ESRRG: variants seen among roughly 807,000 people sequenced by gnomAD.
ESRRG encodes the protein estrogen-related receptor gamma.
In ESRRG, 13 loss-of-function variants were observed where a neutral mutation model predicts 44.0. That is an observed-to-expected ratio of 0.30 (90% confidence interval 0.19 to 0.47). The LOEUF is 0.47. Ranked by LOEUF, ESRRG falls within the 20% of genes least tolerant of loss-of-function variation. The probability of loss-of-function intolerance (pLI) is 1.00; values close to 1 mark genes in which losing one functional copy is unlikely to be tolerated. For synonymous variants in ESRRG, 215 were observed against 214.6 expected, an observed-to-expected ratio of 1.00 and a Z score of -0.02; for missense variants, 395 against 580.6, an observed-to-expected ratio of 0.68 and a Z score of 3.29.
chr1:216,777,488 CT>C (rs1559594643), intron 2 of ESRRG, among the ~76,000 whole-genome samples: 1 of 152,044 alleles, frequency 6.6e-6, no homozygotes, highest in Admixed American at 6.6e-5. Context: ...AGAGGTTTTT[CT>C]TTGTAATCTG....
intron 1 of ESRRG, among the ~76,000 whole-genome samples, chr1:217,074,201 C>T (rs927720276): frequency 6.6e-6 from 1 of 151,958 alleles, no homozygotes. Flanking sequence ...GTGCCCACCA[C>T]CGTGCCTGGC....
intron 1 of ESRRG, among the ~76,000 whole-genome samples, chr1:216,987,151 G>A (rs1213323483): frequency 2.0e-5 from 3 of 152,166 alleles, no homozygotes; most frequent in African/African-American, 7.2e-5. Flanking sequence ...TGTGATATTT[G>A]TAAGCTTTGT....
At chr1:217,074,954 C>T (rs2091088524) in intron 1 of ESRRG, among the ~76,000 whole-genome samples, 1 of 152,104 alleles carries the variant, frequency 6.6e-6, no homozygotes, top group Non-Finnish European at 1.5e-5. Context: ...TATTTTTCCT[C>T]AATCAAAAAT....
intron 1 of ESRRG, among the ~76,000 whole-genome samples, chr1:216,948,312 T>C (rs1203097628): frequency 6.6e-6 from 1 of 151,520 alleles, no homozygotes; most frequent in Non-Finnish European, 1.5e-5. Context: ...ATCTCAGCAC[T>C]TTGCGAGGCA....
intron 1 of ESRRG, among the ~76,000 whole-genome samples, chr1:217,035,823 T>A (rs2082784479): frequency 6.6e-6 from 1 of 152,060 alleles, no homozygotes; most frequent in African/African-American, 2.4e-5. Context: ...TCCCCATTAA[T>A]AAGAGTATGG....
chr1:216,742,393 C>A (rs1165321568), intron 2 of ESRRG, among the ~76,000 whole-genome samples: 2 of 151,942 alleles, frequency 1.3e-5, no homozygotes, highest in Non-Finnish European at 2.9e-5. Flanking sequence ...AAGTGAGCAA[C>A]CTTTAAGATA....
intron 5 of ESRRG, among the ~76,000 whole-genome samples, chr1:216,537,028 G>A (rs1185999977): frequency 1.3e-5 from 2 of 152,164 alleles, no homozygotes; most frequent in South Asian, 2.1e-4. Flanking sequence ...GAGATCTGAA[G>A]GAGGTGAGAG....
At chr1:216,541,143 G>T (rs1345324183) in intron 5 of ESRRG, among the ~76,000 whole-genome samples, 2 of 151,946 alleles carry the variant, frequency 1.3e-5, no homozygotes, top group Admixed American at 6.6e-5. Context: ...TAGAACAAAT[G>T]TACAGCAAAG....
At chr1:216,642,423 T>G (rs1390793495) in intron 3 of ESRRG, among the ~76,000 whole-genome samples, 2 of 152,074 alleles carry the variant, frequency 1.3e-5, no homozygotes, top group African/African-American at 2.4e-5. Context: ...AATCACCATC[T>G]AGTAATGCAG....
intron 1 of ESRRG, among the ~76,000 whole-genome samples, chr1:216,960,580 G>GTGTTTGTTTGTTTGTT (rs111805075): frequency 1.3e-3 from 203 of 150,456 alleles, no homozygotes; most frequent in African/African-American, 4.6e-3. Flanking sequence ...ACTCCTCCAT[G>GTGTTTGTTTGTTTGTT]TGTTTGTTTG....
chr1:216,799,815 G>A (rs560539190), intron 2 of ESRRG, among the ~76,000 whole-genome samples: 5 of 152,064 alleles, frequency 3.3e-5, no homozygotes, highest in Admixed American at 6.6e-5. Flanking sequence ...AACATTCCAG[G>A]CACTTCCACG....
chr1:217,134,999 C>T (rs779594671), intron 1 of ESRRG, among the ~76,000 whole-genome samples: 2 of 152,224 alleles, frequency 1.3e-5, no homozygotes, highest in Non-Finnish European at 2.9e-5. Flanking sequence ...TAGTCCCAGC[C>T]TCTCCTTCCT....
At position 216,506,707 on chromosome 1, in the gene ESRRG, A is replaced by G. The variant is rs781500087; in HGVS notation, c.*232T>C. ...GAAGAAAAGGAGAAAAAATAAAGAGAAAGAGAAATGTGGGAAGAAAGAGGA... is the reference window on the plus strand; with the variant it reads ...GAAGAAAAGGAGAAAAAATAAAGAGGAAGAGAAATGTGGGAAGAAAGAGGA... On this transcript the variant is annotated 3_prime_UTR_variant, in exon 7 of 7. Coordinates refer to ENST00000408911, the MANE Select transcript of ESRRG (RefSeq NM_001438.4). 1.4e-5 allele frequency: 9 copies of G among 622,184 alleles called. No homozygotes were observed. Among genetic ancestry groups the G allele is most frequent in the Non-Finnish European group, 2.3e-5 (8 of 346,396 alleles). The allele number at this position is 622,184 out of a possible 1,614,324, so 38.5% of individuals were successfully genotyped here. A position where few individuals can be genotyped will look rare whatever the true frequency, so the allele number is the denominator to read the frequency against.
intron 1 of ESRRG, among the ~76,000 whole-genome samples, chr1:217,129,493 G>T (rs1354951858): frequency 6.6e-6 from 1 of 152,142 alleles, no homozygotes; most frequent in African/African-American, 2.4e-5. Flanking sequence ...TTGTACACAG[G>T]TGTTCACAGC....
intron 1 of ESRRG, among the ~76,000 whole-genome samples, chr1:216,976,129 A>C (rs1028062052): frequency 3.3e-5 from 5 of 152,310 alleles, no homozygotes; most frequent in African/African-American, 9.6e-5. Flanking sequence ...AATTCTTAGT[A>C]GAGTCCTACA....
At chr1:217,129,779 A>G (rs1397564548) in intron 1 of ESRRG, among the ~76,000 whole-genome samples, 2 of 152,182 alleles carry the variant, frequency 1.3e-5, no homozygotes, top group Non-Finnish European at 2.9e-5. Context: ...CAGAAAGCAG[A>G]TTAAGGCTTG....
At chr1:216,903,648 T>A (rs2059352827) in intron 2 of ESRRG, among the ~76,000 whole-genome samples, 1 of 151,902 alleles carries the variant, frequency 6.6e-6, no homozygotes, top group Non-Finnish European at 1.5e-5. Flanking sequence ...TGAATCTCAT[T>A]TGGAGAAATA....
intron 3 of ESRRG, among the ~76,000 whole-genome samples, chr1:216,583,912 A>G (rs1440112982): frequency 6.6e-6 from 1 of 152,186 alleles, no homozygotes; most frequent in African/African-American, 2.4e-5. Context: ...CTTATTCACT[A>G]TCATGAGAAC....
chr1:216,926,295 A>G (rs1330688195), intron 2 of ESRRG, among the ~76,000 whole-genome samples: 2 of 152,160 alleles, frequency 1.3e-5, no homozygotes, highest in African/African-American at 2.4e-5. Context: ...TGAGTAAAAA[A>G]TTAAATCCAG....
Sources: gnomAD v4.1 joint callset for allele counts (sites outside exome capture counted in the v4.1 genomes callset) on GRCh38, gnomAD v4.1.1 for gene constraint, MANE v1.5 for transcripts, NCBI Gene and HGNC (gene_info 2026-07-23, HGNC 2026-07-21) for gene names.